The following CNTNAP5 variants were observed in gnomAD, a reference collection of about 807,000 sequenced individuals.
CNTNAP5 encodes contactin-associated protein-like 5.
A neutral mutation model predicts 150.2 loss-of-function variants in CNTNAP5; 72 were observed. That is an observed-to-expected ratio of 0.48 (90% CI 0.40 to 0.58). CNTNAP5 has a LOEUF of 0.58. Ranked by LOEUF, CNTNAP5 falls within the 20% of genes least tolerant of loss-of-function variation. CNTNAP5 has a pLI of 0.00. For synonymous variants in CNTNAP5, 672 were observed against 619.8 expected, an observed-to-expected ratio of 1.08 and a Z score of -1.25; for missense variants, 1,636 against 1,626.2, an observed-to-expected ratio of 1.01 and a Z score of -0.10.
intron 13 of CNTNAP5, among the ~76,000 whole-genome samples, chr2:124,740,880 G>A (rs994324487): frequency 6.6e-6 from 1 of 152,072 alleles, no homozygotes; most frequent in Non-Finnish European, 1.5e-5. Flanking sequence ...AGGAAGCTCT[G>A]GAAGGGCAGG....
At chr2:124,913,873 T>G (rs1436829570) in intron 23 of CNTNAP5, among the ~76,000 whole-genome samples, 1 of 152,074 alleles carries the variant, frequency 6.6e-6, no homozygotes, top group East Asian at 1.9e-4. Context: ...AAAGTGTCTC[T>G]CGCCCCCAGT....
chr2:124,809,073 A>C (rs1359622511), intron 19 of CNTNAP5, among the ~76,000 whole-genome samples: 1 of 152,074 alleles, frequency 6.6e-6, no homozygotes, highest in African/African-American at 2.4e-5. Context: ...GAATTATAGA[A>C]ATGTCCCCTC....
Position 124,318,849 on chromosome 2 carries a change from G to A in CNTNAP5, c.381+76456G>A, listed in dbSNP as rs192643437. Among the ~76,000 whole-genome samples, 3 of 151,620 alleles carry A rather than the reference G, an allele frequency of 2.0e-5. No homozygotes were observed. The East Asian group carries it at 5.8e-4, about 30-fold the overall frequency. On this transcript the variant is annotated intron_variant, in intron 3 of 23. Coordinates refer to ENST00000682447, the MANE Select transcript of CNTNAP5 (RefSeq NM_001367498.1). ...ATATGCCTCCCTCTATTTCTCTCCA[G>A]TCCCCCTGCCCACACCATCATTACA...
At chr2:124,062,910 G>A (rs1003809437) in intron 1 of CNTNAP5, among the ~76,000 whole-genome samples, 1 of 152,012 alleles carries the variant, frequency 6.6e-6, no homozygotes, top group African/African-American at 2.4e-5. Flanking sequence ...TCTCTGCATC[G>A]GTAGTAGAGT....
At chr2:124,187,497 G>A (rs1286473384) in intron 1 of CNTNAP5, among the ~76,000 whole-genome samples, 1 of 152,164 alleles carries the variant, frequency 6.6e-6, no homozygotes, top group Non-Finnish European at 1.5e-5. Context: ...ATGTTGCAAT[G>A]GGGACAAGAG....
intron 1 of CNTNAP5, among the ~76,000 whole-genome samples, chr2:124,112,164 G>A (rs181394241): frequency 3.3e-5 from 5 of 152,304 alleles, no homozygotes; most frequent in African/African-American, 1.2e-4. Context: ...AGTATTCACA[G>A]GGATTACCTT....
At chr2:124,645,214 A>G (rs1325868050) in intron 12 of CNTNAP5, among the ~76,000 whole-genome samples, 2 of 152,206 alleles carry the variant, frequency 1.3e-5, no homozygotes, top group African/African-American at 4.8e-5. Flanking sequence ...TATCTTTACC[A>G]ACATGAATTA....
At chr2:124,342,220 T>C (rs1451050613) in intron 3 of CNTNAP5, among the ~76,000 whole-genome samples, 1 of 152,198 alleles carries the variant, frequency 6.6e-6, no homozygotes, top group Non-Finnish European at 1.5e-5. Context: ...TAAGACTGTG[T>C]TGCTGAAACT....
At chr2:124,760,713 T>TG (rs1680938744) in intron 14 of CNTNAP5, among the ~76,000 whole-genome samples, 1 of 152,268 alleles carries the variant, frequency 6.6e-6, no homozygotes, top group East Asian at 1.9e-4. Context: ...ATTCCTGGTG[T>TG]GGGGTGCCGT....
chr2:124,220,175 C>G (rs758126042), intron 1 of CNTNAP5, among the ~76,000 whole-genome samples: 2 of 151,816 alleles, frequency 1.3e-5, no homozygotes, highest in Non-Finnish European at 2.9e-5. Flanking sequence ...ACCAATTCTT[C>G]CTGAGAGCCT....
intron 3 of CNTNAP5, among the ~76,000 whole-genome samples, chr2:124,271,363 T>A (rs1308778772): frequency 6.6e-6 from 1 of 151,982 alleles, no homozygotes; most frequent in African/African-American, 2.4e-5. Flanking sequence ...TGGAGGGGCA[T>A]GTCTGGGCCA....
chr2:124,404,134 T>C (rs150526569), intron 3 of CNTNAP5, among the ~76,000 whole-genome samples: 4 of 152,316 alleles, frequency 2.6e-5, no homozygotes, highest in Non-Finnish European at 4.4e-5. Context: ...TTCCCACTGC[T>C]TCTCTTAACA....
chr2:124,156,031 T>C lies in CNTNAP5; in HGVS notation c.83-65674T>C, dbSNP rs866757041. On this transcript the variant is annotated intron_variant, in intron 1 of 23. Transcript: ENST00000682447. Reference sequence around the variant, plus strand: ...CAGAAGCCCAGTTGGCCTTGCAAAGTGCATCTAAAAAAGGGTTCAGGGTGA... The same window carrying C: ...CAGAAGCCCAGTTGGCCTTGCAAAGCGCATCTAAAAAAGGGTTCAGGGTGA... Among the ~76,000 whole-genome samples the C allele has an allele frequency of 2.6e-5, 4 of 152,172 alleles. No individual in the cohort carries two copies. The East Asian group carries it at 7.7e-4, about 29-fold the overall frequency.
chr2:124,094,903 A>G (rs1220439861), intron 1 of CNTNAP5, among the ~76,000 whole-genome samples: 3 of 152,134 alleles, frequency 2.0e-5, no homozygotes, highest in Non-Finnish European at 4.4e-5. Context: ...GAAAATCAAA[A>G]CACTGGGAGC....
intron 19 of CNTNAP5, among the ~76,000 whole-genome samples, chr2:124,850,930 G>A (rs543229978): frequency 6.6e-6 from 1 of 152,192 alleles, no homozygotes; most frequent in Non-Finnish European, 1.5e-5. Flanking sequence ...GAAAGTTTTG[G>A]TGGTAGCTTA....
At chr2:124,370,801 C>T (rs1690505383) in intron 3 of CNTNAP5, among the ~76,000 whole-genome samples, 1 of 152,020 alleles carries the variant, frequency 6.6e-6, no homozygotes, top group South Asian at 2.1e-4. Context: ...ATGGTTGAAG[C>T]CTCTATAACA....
At chr2:124,301,105 A>C (rs1036083723) in intron 3 of CNTNAP5, among the ~76,000 whole-genome samples, 1 of 152,180 alleles carries the variant, frequency 6.6e-6, no homozygotes, top group Admixed American at 6.5e-5. Context: ...TTTTGGGATT[A>C]GGCATCACGT....
intron 13 of CNTNAP5, among the ~76,000 whole-genome samples, chr2:124,677,385 G>A (rs530183335): frequency 6.6e-6 from 1 of 152,338 alleles, no homozygotes; most frequent in South Asian, 2.1e-4. Context: ...TGTGAAGAGT[G>A]AAAGAACAAA....
chr2:124,089,278 T>G (rs548717515), intron 1 of CNTNAP5, among the ~76,000 whole-genome samples: 20 of 152,158 alleles, frequency 1.3e-4, no homozygotes, highest in Middle Eastern at 3.4e-3. Flanking sequence ...CACCTATTTT[T>G]TTTTTTTAAG....
Sources: gnomAD v4.1 joint callset for allele counts (sites outside exome capture counted in the v4.1 genomes callset) on GRCh38, gnomAD v4.1.1 for gene constraint, MANE v1.5 for transcripts, NCBI Gene and HGNC (gene_info 2026-07-23, HGNC 2026-07-21) for gene names.